The following GFRA1 variants were observed in gnomAD, a reference collection of about 807,000 sequenced individuals.
GFRA1 encodes GDNF family receptor alpha 1, also known as GDNF family receptor alpha-1.
Under a neutral mutation model 51.6 loss-of-function variants are expected in GFRA1, and 16 were observed. The observed-to-expected ratio is 0.31, with a 90% CI of 0.21 to 0.47. The LOEUF is 0.47. Ranked by LOEUF, GFRA1 falls within the 20% of genes least tolerant of loss-of-function variation. GFRA1 has a pLI of 1.00. For synonymous variants in GFRA1, 270 were observed against 241.3 expected (o/e 1.12, Z -1.10); for missense variants, 530 against 594.3 (o/e 0.89, Z 1.13).
intron 5 of GFRA1, among the ~76,000 whole-genome samples, chr10:116,140,493 G>A (rs1276048996): frequency 1.3e-5 from 2 of 152,150 alleles, no homozygotes; most frequent in African/African-American, 4.8e-5. Flanking sequence ...TGGTTGAAGT[G>A]TATGCGGTTC....
At chr10:116,112,566 C>G (rs1044664548) in intron 6 of GFRA1, among the ~76,000 whole-genome samples, 4 of 152,206 alleles carry the variant, frequency 2.6e-5, no homozygotes, top group African/African-American at 9.6e-5. Context: ...CTGAACCCTT[C>G]TGGACACAAA....
chr10:116,209,117 G>A (rs915904037), intron 5 of GFRA1, among the ~76,000 whole-genome samples: 10 of 152,156 alleles, frequency 6.6e-5, no homozygotes, highest in African/African-American at 2.2e-4. Context: ...GGCATTTACA[G>A]ATGAAAGAAC....
At chr10:116,243,510 A>G (rs1389318163) in intron 4 of GFRA1, among the ~76,000 whole-genome samples, 1 of 149,250 alleles carries the variant, frequency 6.7e-6, no homozygotes, top group African/African-American at 2.5e-5. Flanking sequence ...AGAGAAAAAG[A>G]AAAGAAAAAA....
At chr10:116,147,998 T>C (rs989471049) in intron 5 of GFRA1, among the ~76,000 whole-genome samples, 3 of 138,108 alleles carry the variant, frequency 2.2e-5, no homozygotes, top group Admixed American at 1.5e-4. Flanking sequence ...TTTTATCTAG[T>C]GTGAAGGCAA....
chr10:116,254,756 C>T (rs367608530), intron 4 of GFRA1, among the ~76,000 whole-genome samples: 25 of 152,188 alleles, frequency 1.6e-4, no homozygotes, highest in African/African-American at 5.1e-4. Context: ...GCTGGCAATG[C>T]CTATTTTCCT....
At chr10:116,114,879 T>A (rs1288393077) in intron 6 of GFRA1, among the ~76,000 whole-genome samples, 1 of 152,202 alleles carries the variant, frequency 6.6e-6, no homozygotes, top group East Asian at 1.9e-4. Context: ...AAATATCTCA[T>A]TTAGTCCTCA....
At chr10:116,204,260 T>C (rs2134403758) in intron 5 of GFRA1, among the ~76,000 whole-genome samples, 1 of 152,326 alleles carries the variant, frequency 6.6e-6, no homozygotes, top group South Asian at 2.1e-4. Flanking sequence ...TGGTGATGGG[T>C]TAGAGTCGAA....
At chr10:116,210,989 T>G (rs546621075) in intron 5 of GFRA1, among the ~76,000 whole-genome samples, 14 of 152,162 alleles carry the variant, frequency 9.2e-5, no homozygotes, top group Non-Finnish European at 1.9e-4. Context: ...AGAGCACAAT[T>G]GCTCTGCATC....
chr10:116,237,292 G>A (rs990489361), intron 4 of GFRA1, among the ~76,000 whole-genome samples: 3 of 152,078 alleles, frequency 2.0e-5, no homozygotes, highest in African/African-American at 7.2e-5. Context: ...TCAGCTCTCT[G>A]GTTGAACCAT....
At chr10:116,214,164 G>A (rs1016627790) in intron 4 of GFRA1, among the ~76,000 whole-genome samples, 2 of 152,062 alleles carry the variant, frequency 1.3e-5, no homozygotes, top group Admixed American at 6.6e-5. Flanking sequence ...CTGACCAGCC[G>A]GCACACCTGG....
chr10:116,163,289 C>T (rs1960019225), intron 5 of GFRA1, among the ~76,000 whole-genome samples: 1 of 152,206 alleles, frequency 6.6e-6, no homozygotes, highest in Non-Finnish European at 1.5e-5. Flanking sequence ...CATTTTCTTC[C>T]TCATTCCTGT....
Position 116,204,383 on chromosome 10 carries a change from C to T in GFRA1, c.433+7248G>A, listed in dbSNP as rs528994342. 4.6e-5 allele frequency among the ~76,000 whole-genome samples: 7 copies of T among 152,318 alleles called. No individual in the cohort carries two copies. The East Asian group carries it at 1.4e-3, about 29-fold the overall frequency. ...CAGTGTACATGCATATACTTATTTG[C>T]TCTGTCAGCTAGGAGGGCCTAAAAG... On this transcript the variant is annotated intron_variant, in intron 5 of 10. Transcript: ENST00000355422.
At chr10:116,187,427 A>C (rs546041809) in intron 5 of GFRA1, among the ~76,000 whole-genome samples, 1 of 152,182 alleles carries the variant, frequency 6.6e-6, no homozygotes, top group African/African-American at 2.4e-5. Flanking sequence ...CCCTTCTAAA[A>C]CTAACAGTCT....
chr10:116,182,937 C>A (rs1345758175), intron 5 of GFRA1, among the ~76,000 whole-genome samples: 1 of 152,212 alleles, frequency 6.6e-6, no homozygotes, highest in Admixed American at 6.5e-5. Context: ...CAGCCAAAGG[C>A]AGTCCAGGTG....
At chr10:116,084,704 A>G (rs778604023) in intron 9 of GFRA1, among the ~76,000 whole-genome samples, 10 of 151,968 alleles carry the variant, frequency 6.6e-5, no homozygotes, top group Non-Finnish European at 1.2e-4. Flanking sequence ...AGCAGTGTAC[A>G]ATGATGCAAA....
At chr10:116,197,618 C>G (rs3824842) in intron 5 of GFRA1, among the ~76,000 whole-genome samples, 3 of 151,964 alleles carry the variant, frequency 2.0e-5, no homozygotes, top group Admixed American at 2.0e-4. Flanking sequence ...ACTAAGACAT[C>G]GACTAACCCT....
chr10:116,244,954 G>T (rs1967747317), intron 4 of GFRA1, among the ~76,000 whole-genome samples: 1 of 152,110 alleles, frequency 6.6e-6, no homozygotes, highest in Non-Finnish European at 1.5e-5. Flanking sequence ...AAACCCTAAA[G>T]TATGAGAAAG....
At chr10:116,074,246 C>CCAGT (rs1209094545) in intron 9 of GFRA1, among the ~76,000 whole-genome samples, 5 of 152,120 alleles carry the variant, frequency 3.3e-5, no homozygotes, top group African/African-American at 1.2e-4. Flanking sequence ...AGATTTGAAC[C>CCAGT]CAGTCACTCT....
intron 6 of GFRA1, among the ~76,000 whole-genome samples, chr10:116,121,579 T>C (rs1293745149): frequency 2.0e-5 from 3 of 152,368 alleles, no homozygotes; most frequent in East Asian, 3.9e-4. Context: ...GAAGGAAACC[T>C]GTAGGCCCTG....
Sources: gnomAD v4.1 joint callset for allele counts (sites outside exome capture counted in the v4.1 genomes callset) on GRCh38, gnomAD v4.1.1 for gene constraint, MANE v1.5 for transcripts, NCBI Gene and HGNC (gene_info 2026-07-23, HGNC 2026-07-21) for gene names.